The following NR6A1 variants were observed in gnomAD, a reference collection of about 807,000 sequenced individuals.
NR6A1 encodes retinoic acid receptor-related testis-associated receptor.
A neutral mutation model predicts 59.1 loss-of-function variants in NR6A1; 7 were observed. The observed-to-expected ratio is 0.12, with a 90% CI of 0.07 to 0.22. NR6A1 has a LOEUF of 0.22. Among genes scored for constraint, NR6A1 ranks in the 10% least tolerant of loss-of-function variants. The pLI is 1.00. For synonymous variants in NR6A1, 243 were observed against 236.1 expected, an observed-to-expected ratio of 1.03 and a Z score of -0.27; for missense variants, 468 against 611.6, an observed-to-expected ratio of 0.77 and a Z score of 2.48.
intron 2 of NR6A1, among the ~76,000 whole-genome samples, chr9:124,718,916 G>C (rs1164428094): frequency 6.8e-6 from 1 of 147,686 alleles, no homozygotes; most frequent in Non-Finnish European, 1.5e-5. Context: ...CTGGGCTCAA[G>C]CGATCCTCCC....
chr9:124,552,860 T>G (rs763651333), intron 3 of NR6A1, among the ~76,000 whole-genome samples: 13 of 152,294 alleles, frequency 8.5e-5, no homozygotes, highest in Non-Finnish European at 1.8e-4. Flanking sequence ...CTTACCTTTC[T>G]TCATGATGGG....
At chr9:124,736,291 T>C (rs1840018130) in intron 1 of NR6A1, among the ~76,000 whole-genome samples, 1 of 152,164 alleles carries the variant, frequency 6.6e-6, no homozygotes, top group Non-Finnish European at 1.5e-5. Context: ...CTTCTGAAAG[T>C]GCCCATTGTT....
At chr9:124,533,238 C>T (rs1588642669) in intron 7 of NR6A1, among the ~76,000 whole-genome samples, 1 of 152,222 alleles carries the variant, frequency 6.6e-6, no homozygotes, top group East Asian at 1.9e-4. Context: ...AGCAGGCTGA[C>T]TGCTATCCAA....
chr9:124,728,973 G>A (rs1405354121), intron 2 of NR6A1, among the ~76,000 whole-genome samples: 1 of 152,096 alleles, frequency 6.6e-6, no homozygotes, highest in African/African-American at 2.4e-5. Flanking sequence ...GTTCAAATAC[G>A]TGATGAGAAA....
intron 2 of NR6A1, among the ~76,000 whole-genome samples, chr9:124,714,800 G>A (rs1839367944): frequency 1.3e-5 from 2 of 151,900 alleles, no homozygotes; most frequent in South Asian, 4.1e-4. Context: ...AAATACTTAA[G>A]GATAAAGATG....
intron 2 of NR6A1, among the ~76,000 whole-genome samples, chr9:124,715,880 ACT>A (rs1401742196): frequency 1.3e-5 from 2 of 152,306 alleles, no homozygotes; most frequent in East Asian, 3.9e-4. Context: ...CTATAAATAG[ACT>A]CACAATTATT....
At chr9:124,653,504 GCA>G (rs1837161804) in intron 2 of NR6A1, among the ~76,000 whole-genome samples, 1 of 152,102 alleles carries the variant, frequency 6.6e-6, no homozygotes, top group African/African-American at 2.4e-5. Context: ...TTGAACTCCT[GCA>G]CTCAAGTGAC....
At chr9:124,729,099 T>C (rs1588834634) in intron 2 of NR6A1, among the ~76,000 whole-genome samples, 1 of 152,232 alleles carries the variant, frequency 6.6e-6, no homozygotes, top group African/African-American at 2.4e-5. Context: ...AAGTCTAGAT[T>C]AAGCCAGTTT....
At chr9:124,683,437 T>C (rs1483529424) in intron 2 of NR6A1, among the ~76,000 whole-genome samples, 2 of 152,232 alleles carry the variant, frequency 1.3e-5, no homozygotes, top group African/African-American at 4.8e-5. Context: ...AGTAACAAAT[T>C]TGAATATTAT....
intron 2 of NR6A1, among the ~76,000 whole-genome samples, chr9:124,667,431 G>A (rs373505525): frequency 9.2e-5 from 14 of 152,016 alleles, no homozygotes; most frequent in Non-Finnish European, 7.4e-5. Flanking sequence ...TCTAAAATAC[G>A]TGCTACAGGT....
At chr9:124,553,267 G>A (rs920023039) in intron 3 of NR6A1, among the ~76,000 whole-genome samples, 13 of 151,962 alleles carry the variant, frequency 8.6e-5, no homozygotes, top group African/African-American at 2.7e-4. Flanking sequence ...TTCTGACACC[G>A]GCCCTTCTCT....
rs112638371 is a variant in NR6A1 at position 124,578,612 on chromosome 9, T to C, written c.143-24042A>G. On this transcript the variant is annotated intron_variant, in intron 2 of 9. Transcript: ENST00000487099. ...AGCCCTGGCTTATGCCACCATCATC[T>C]CTCATTTCATGACCATTTAGTCTAC... Among the ~76,000 whole-genome samples, 799 of 152,318 alleles carry C rather than the reference T, an allele frequency of 5.2e-3. 7 individuals are homozygous for C. The highest frequency in any genetic ancestry group is 0.018 in the African/African-American group (750 of 41,576).
chr9:124,762,628 A>C (rs2131199349), intron 1 of NR6A1, among the ~76,000 whole-genome samples: 1 of 152,340 alleles, frequency 6.6e-6, no homozygotes, highest in Non-Finnish European at 1.5e-5. Flanking sequence ...GTGTGAGTTT[A>C]AAACCATATC....
chr9:124,558,820 G>GA (rs1445328166), intron 2 of NR6A1, among the ~76,000 whole-genome samples: 1 of 151,966 alleles, frequency 6.6e-6, no homozygotes, highest in East Asian at 1.9e-4. Context: ...CTTCCCCACT[G>GA]AAAACCAACC....
intron 2 of NR6A1, among the ~76,000 whole-genome samples, chr9:124,701,792 C>T (rs1454860403): frequency 1.3e-5 from 2 of 152,134 alleles, no homozygotes; most frequent in African/African-American, 2.4e-5. Flanking sequence ...GGCACAATCT[C>T]GGCTCACTGC....
chr9:124,580,221 C>G (rs1263472626), intron 2 of NR6A1, among the ~76,000 whole-genome samples: 1 of 152,140 alleles, frequency 6.6e-6, no homozygotes, highest in Non-Finnish European at 1.5e-5. Context: ...TAACAGAATA[C>G]TACCCAGCAA....
At chr9:124,651,404 T>A (rs1837101266) in intron 2 of NR6A1, among the ~76,000 whole-genome samples, 1 of 152,224 alleles carries the variant, frequency 6.6e-6, no homozygotes, top group African/African-American at 2.4e-5. Flanking sequence ...AAAATTGAAT[T>A]TGATTACTGG....
rs534729907 is a variant in NR6A1 at position 124,639,381 on chromosome 9, ACT to A, written c.143-84813_143-84812del. Reference sequence around the variant, plus strand: ...CCTATGCTAAGCACTTTACATGTAAACTCTTACTGAAGCCCAGCAATCCTCTG... The same window carrying A: ...CCTATGCTAAGCACTTTACATGTAAACTTACTGAAGCCCAGCAATCCTCTG... On this transcript the variant is annotated intron_variant, in intron 2 of 9. Transcript: ENST00000487099. Among the ~76,000 whole-genome samples, 18 of 152,158 alleles carry A rather than the reference ACT, an allele frequency of 1.2e-4. No individual in the cohort carries two copies. In the South Asian group the frequency reaches 3.3e-3, roughly 28 times the overall value.
chr9:124,647,161 C>T (rs555823563), intron 2 of NR6A1, among the ~76,000 whole-genome samples: 4 of 152,284 alleles, frequency 2.6e-5, no homozygotes, highest in Admixed American at 2.0e-4. Context: ...AAGTGATCCT[C>T]CTACCTTGGC....
Sources: gnomAD v4.1 joint callset for allele counts (sites outside exome capture counted in the v4.1 genomes callset) on GRCh38, gnomAD v4.1.1 for gene constraint, MANE v1.5 for transcripts, NCBI Gene and HGNC (gene_info 2026-07-23, HGNC 2026-07-21) for gene names.